The following TRPM3 variants were observed in gnomAD, a reference collection of about 807,000 sequenced individuals.
TRPM3 encodes transient receptor potential cation channel subfamily M member 3.
In TRPM3, 77 loss-of-function variants were observed where a neutral mutation model predicts 181.2. The ratio of observed to expected loss-of-function variants is 0.42; its 90% confidence interval spans 0.35 to 0.51. The LOEUF is 0.51. Among genes scored for constraint, TRPM3 ranks in the 20% least tolerant of loss-of-function variants. TRPM3 has a pLI of 0.01. For missense variants in TRPM3, 1,759 were observed against 2,196.7 expected (o/e 0.80, Z 3.98); for synonymous variants, 745 against 796.4 (o/e 0.94, Z 1.09).
chr9:70,537,690 C>T (rs1383831253), intron 25 of TRPM3, among the ~76,000 whole-genome samples: 1 of 152,136 alleles, frequency 6.6e-6, no homozygotes, highest in Non-Finnish European at 1.5e-5. Flanking sequence ...AAATGGAATG[C>T]ACAGTCCTGA....
At chr9:71,116,220 T>G (rs1312632276) in intron 1 of TRPM3, among the ~76,000 whole-genome samples, 2 of 152,172 alleles carry the variant, frequency 1.3e-5, no homozygotes, top group Non-Finnish European at 1.5e-5. Context: ...ATAATAGGTG[T>G]GCATTTCCTC....
chr9:70,597,094 C>T (rs968611620), intron 21 of TRPM3, among the ~76,000 whole-genome samples: 7 of 151,786 alleles, frequency 4.6e-5, no homozygotes, highest in African/African-American at 1.7e-4. Context: ...CCACCATGCC[C>T]AGCTAATTTT....
intron 1 of TRPM3, among the ~76,000 whole-genome samples, chr9:70,911,430 A>G (rs932334530): frequency 3.9e-5 from 6 of 152,194 alleles, no homozygotes; most frequent in Admixed American, 6.5e-5. Context: ...ATCATGCCTC[A>G]AATATGATCT....
intron 22 of TRPM3, among the ~76,000 whole-genome samples, chr9:70,587,431 G>A (rs1564446969): frequency 6.6e-6 from 1 of 152,180 alleles, no homozygotes; most frequent in African/African-American, 2.4e-5. Context: ...TCATTCAGGG[G>A]CTGGAGAAAG....
chr9:71,240,135 T>C (rs1157054769), intron 1 of TRPM3, among the ~76,000 whole-genome samples: 1 of 152,222 alleles, frequency 6.6e-6, no homozygotes, highest in Non-Finnish European at 1.5e-5. Context: ...ATTTATTACA[T>C]AAATGTAGTT....
intron 1 of TRPM3, among the ~76,000 whole-genome samples, chr9:71,187,151 T>C (rs1360159116): frequency 2.0e-5 from 3 of 152,040 alleles, no homozygotes; most frequent in East Asian, 3.9e-4. Flanking sequence ...TTTTTAACAG[T>C]ACTCAATTTC....
At chr9:71,399,678 G>A (rs1229129326) in intron 1 of TRPM3, among the ~76,000 whole-genome samples, 2 of 151,548 alleles carry the variant, frequency 1.3e-5, no homozygotes, top group East Asian at 1.9e-4. Flanking sequence ...ACAGGCACCC[G>A]CCACCACGCC....
At chr9:71,272,436 T>C (rs1202797812) in intron 1 of TRPM3, among the ~76,000 whole-genome samples, 2 of 152,176 alleles carry the variant, frequency 1.3e-5, no homozygotes, top group Non-Finnish European at 2.9e-5. Flanking sequence ...CCGCTTTTCC[T>C]ACAGAAATAC....
At chr9:71,404,336 G>A (rs940497146) in intron 1 of TRPM3, among the ~76,000 whole-genome samples, 41 of 152,158 alleles carry the variant, frequency 2.7e-4, no homozygotes, top group African/African-American at 8.4e-4. Flanking sequence ...CAATAAGTTT[G>A]TTTAATATCA....
intron 6 of TRPM3, among the ~76,000 whole-genome samples, chr9:70,789,787 G>A (rs2130968941): frequency 6.6e-6 from 1 of 152,316 alleles, no homozygotes; most frequent in African/African-American, 2.4e-5. Context: ...TTACCCTAGG[G>A]CTTTCTAATT....
intron 25 of TRPM3, among the ~76,000 whole-genome samples, chr9:70,538,432 T>C (rs1330977287): frequency 6.7e-6 from 1 of 149,254 alleles, no homozygotes; most frequent in African/African-American, 2.5e-5. Context: ...TGCCCTGCCT[T>C]TTGTTAGTTT....
intron 1 of TRPM3, among the ~76,000 whole-genome samples, chr9:71,444,045 G>A (rs1175380266): frequency 3.3e-5 from 5 of 152,062 alleles, no homozygotes; most frequent in Admixed American, 1.3e-4. Flanking sequence ...TGGGTGTGGT[G>A]GTGCGTGCCT....
chr9:70,896,646 T>C (rs569399601), intron 1 of TRPM3, among the ~76,000 whole-genome samples: 2 of 152,262 alleles, frequency 1.3e-5, no homozygotes, highest in African/African-American at 4.8e-5. Context: ...ACAAAAACTA[T>C]AGAGGTACTT....
intron 12 of TRPM3, among the ~76,000 whole-genome samples, chr9:70,626,147 GTAA>G (rs2064552807): frequency 6.6e-6 from 1 of 152,128 alleles, no homozygotes; most frequent in Non-Finnish European, 1.5e-5. Context: ...TGCAAAAATA[GTAA>G]AGATTTTCTT....
At chr9:71,265,883 C>T (rs1241227177) in intron 1 of TRPM3, among the ~76,000 whole-genome samples, 1 of 152,206 alleles carries the variant, frequency 6.6e-6, no homozygotes, top group Non-Finnish European at 1.5e-5. Context: ...AAGCAACCCA[C>T]TCAATTAAAA....
chr9:71,282,524 C>G (rs17056652), intron 1 of TRPM3, among the ~76,000 whole-genome samples: 37,637 of 152,062 alleles, frequency 0.25, 5,119 homozygotes, highest in Middle Eastern at 0.45. Context: ...TATGCCAAAG[C>G]ACTACAAAGT....
At chr9:71,312,858 G>A (rs191158914) in intron 1 of TRPM3, among the ~76,000 whole-genome samples, 101 of 152,186 alleles carry the variant, frequency 6.6e-4, no homozygotes, top group Non-Finnish European at 1.2e-3. Flanking sequence ...AAACTATGGA[G>A]ACAGTAAAAC....
chr9:71,053,647 G>T (rs1355216751), intron 1 of TRPM3, among the ~76,000 whole-genome samples: 1 of 152,070 alleles, frequency 6.6e-6, no homozygotes, highest in Non-Finnish European at 1.5e-5. Context: ...TAAAAATACT[G>T]TAAAATGTCT....
intron 18 of TRPM3, among the ~76,000 whole-genome samples, chr9:70,611,650 C>T (rs926978898): frequency 3.9e-5 from 6 of 152,182 alleles, no homozygotes; most frequent in African/African-American, 1.2e-4. Context: ...GCGACTTCTC[C>T]CTGACCCTTA....
Sources: allele counts gnomAD v4.1 joint callset (sites outside exome capture counted in the v4.1 genomes callset), GRCh38; gene constraint gnomAD v4.1.1; transcripts MANE v1.5; gene names NCBI Gene and HGNC (gene_info 2026-07-23, HGNC 2026-07-21).